TBXT: variants seen among roughly 807,000 people sequenced by gnomAD.
TBXT encodes T brachyury transcription factor.
In TBXT, 19 loss-of-function variants were observed where a neutral mutation model predicts 41.1. The ratio of observed to expected loss-of-function variants is 0.46; its 90% confidence interval spans 0.32 to 0.68. The LOEUF is 0.68. TBXT is among the 30% of genes least tolerant of loss of function. TBXT has a pLI of 0.03. For missense variants in TBXT, 536 were observed against 582.0 expected, an observed-to-expected ratio of 0.92 and a Z score of 0.81; for synonymous variants, 213 against 238.9, an observed-to-expected ratio of 0.89 and a Z score of 1.00.
chr6:166,162,628 G>A lies in TBXT; in HGVS notation c.731-5C>T. On this transcript the variant is annotated splice_region_variant and splice_polypyrimidine_tract_variant and intron_variant, in intron 5 of 7. Coordinates refer to ENST00000366876, the MANE Select transcript of TBXT (RefSeq NM_001366285.2). The stretch of plus-strand genomic sequence containing the variant: ...CAGGAAGAAGCCACCCCCCTGCTGT[G>A]AGAAAAGACAGTGCTGAGTAACCTG... The A allele has an allele frequency of 1.2e-6, 2 of 1,608,768 alleles. No individual in the cohort carries two copies. The highest frequency in any genetic ancestry group is 3.4e-5 in the Admixed American group (2 of 58,970).
intron 2 of TBXT, among the ~76,000 whole-genome samples, chr6:166,166,106 T>C (rs1018444143): frequency 6.6e-6 from 1 of 152,202 alleles, no homozygotes; most frequent in Non-Finnish European, 1.5e-5. Flanking sequence ...TGGAATAAAG[T>C]ACTAAGGCTT....
intron 5 of TBXT, 39 bp from the exon 6 acceptor site, chr6:166,162,662 C>T: frequency 6.4e-7 from 1 of 1,552,808 alleles, no homozygotes; most frequent in South Asian, 1.2e-5. Flanking sequence ...TGCATTAGTG[C>T]TCCCTCCATC....
chr6:166,167,676 C>G lies in TBXT; in HGVS notation c.-85G>C. ...ACCTTCCCTGCTCTTGGCCGCCGCC[C>G]TTCCGAGAAAAGGGGCCCCTTGGAC... is the stretch of plus-strand genomic sequence containing the variant. On this transcript the variant is annotated 5_prime_UTR_variant, in exon 1 of 8. Coordinates refer to ENST00000366876, the MANE Select transcript of TBXT (RefSeq NM_001366285.2). The G allele has an allele frequency of 6.6e-7, 1 of 1,522,696 alleles. No homozygotes were observed. The highest frequency in any genetic ancestry group is 8.8e-7 in the Non-Finnish European group (1 of 1,136,582). The allele number at this position is 1,522,696 out of a possible 1,614,324, so 94.3% of individuals were successfully genotyped here.
chr6:166,167,545 C>G lies in TBXT; in HGVS notation c.47G>C (p.Arg16Pro), dbSNP rs1651072691. Residue 16 changes from arginine to proline, a missense_variant, in exon 1 of 8, where the codon CGA (arginine) becomes CCA (proline). Coordinates refer to ENST00000366876, the MANE Select transcript of TBXT (RefSeq NM_001366285.2). The part of the protein sequence containing the change: ...TESAGKSLQY[R>P]VDHLLSAVEN... ...CACGGCGCTCAGCAGGTGGTCCACT[C>G]GGTACTGCAGGCTCTTTCCCGCGCT... 6.3e-7 allele frequency: 1 copy of G among 1,594,484 alleles called. No individual in the cohort carries two copies. Among genetic ancestry groups the G allele is most frequent in the East Asian group, 2.3e-5 (1 of 44,106 alleles).
Position 166,166,707 on chromosome 6 carries a change from G to T in TBXT, c.356C>A (p.Ala119Glu). The change falls in exon 2 of 8, where the codon GCG (alanine) becomes GAG (glutamate). Residue 119 changes from alanine (A) to glutamate (E), a missense_variant. Physicochemically the swap from Ala to Glu is moderately radical, Grantham distance 107 (BLOSUM62 -1). Transcript: ENST00000366876. ...GGGGTGGATGTAGACGCAGCTGGGC[G>T]CCTGCGGCTCCGGCTTGCCCCCCGG... is the stretch of plus-strand genomic sequence containing the variant. The part of the protein sequence containing the change: ...WVPGGKPEPQ[A>E]PSCVYIHPDS... 6.2e-7 allele frequency: 1 copy of T among 1,613,842 alleles called. No individual in the cohort carries two copies. The highest frequency in any genetic ancestry group is 8.5e-7 in the Non-Finnish European group (1 of 1,180,040).
At chr6:166,158,863 TAAGTTTCACTGCGA>T (rs1270797891) in intron 7 of TBXT, among the ~76,000 whole-genome samples, 2 of 152,212 alleles carry the variant, frequency 1.3e-5, no homozygotes, top group Non-Finnish European at 2.9e-5. Flanking sequence ...AGAGCGCTGT[TAAGTTTCACTGCGA>T]AAGACTCATA....
chr6:166,166,525 C>A, intron 2 of TBXT, 67 bp downstream of exon 2: 1 of 1,609,990 alleles, frequency 6.2e-7, no homozygotes, highest in Non-Finnish European at 8.5e-7. Flanking sequence ...CCCACAACCC[C>A]CGTGCAGAAG....
chr6:166,165,003 T>G, intron 3 of TBXT, 142 bp from the exon 4 acceptor site: 1 of 746,422 alleles, frequency 1.3e-6, no homozygotes, highest in Non-Finnish European at 2.2e-6. Flanking sequence ...AGTTTTCTAT[T>G]TGGAACTGAA....
chr6:166,162,171 G>A (rs1778978129), intron 6 of TBXT, among the ~76,000 whole-genome samples: 1 of 152,234 alleles, frequency 6.6e-6, no homozygotes, highest in Admixed American at 6.5e-5. Flanking sequence ...GAGAGGCCCA[G>A]GAATCTGTCA....
intron 2 of TBXT, among the ~76,000 whole-genome samples, 182 bp downstream of exon 2, chr6:166,166,410 G>C (rs1399345342): frequency 6.6e-6 from 1 of 152,206 alleles, no homozygotes; most frequent in African/African-American, 2.4e-5. Context: ...TTCGCCAGGC[G>C]TGGATGTTAT....
At position 166,164,942 on chromosome 6, in the gene TBXT, G is replaced by C. The variant is rs1779068570; in HGVS notation, c.607-81C>G. 4.5e-6 allele frequency: 5 copies of C among 1,110,488 alleles called. No individual in the cohort carries two copies. The South Asian group carries it at 6.6e-5, about 15-fold the overall frequency. The allele number at this position is 1,110,488 out of a possible 1,614,324, so 68.8% of individuals were successfully genotyped here. Reference sequence around the variant, plus strand: ...ATTTGGCACCAAGAAATTGAGAAATGCCAGTACCACTTTTAAATATTCAAA... The same window carrying C: ...ATTTGGCACCAAGAAATTGAGAAATCCCAGTACCACTTTTAAATATTCAAA... On this transcript the variant is annotated intron_variant, in intron 3 of 7. Transcript: ENST00000366876.
In TBXT at chr6:166,160,931, G is replaced by A. The variant is rs1778935750; in HGVS notation, c.943C>T (p.Leu315=). Residue 315 remains leucine, a synonymous_variant, in exon 7 of 8, where the codon CTG becomes TTG. Coordinates refer to ENST00000366876, the MANE Select transcript of TBXT (RefSeq NM_001366285.2). ...CTGGACCAATTGTCATGGGATTGCA[G>A]CATGGATAAACATGCAGGTGAGTTG... ...SDNSPACLSM[L]QSHDNWSSLG... 6.2e-7 allele frequency: 1 copy of A among 1,614,002 alleles called. No individual in the cohort carries two copies. Among genetic ancestry groups the A allele is most frequent in the African/African-American group, 1.3e-5 (1 of 74,924 alleles).
intron 3 of TBXT, 147 bp downstream of exon 3, chr6:166,165,559 T>C (rs958727176): frequency 3.9e-5 from 50 of 1,282,270 alleles, no homozygotes; most frequent in Non-Finnish European, 4.9e-5. Context: ...TGTGCTTCCA[T>C]TTCAAGTTCC....
rs1014596947 is a variant in TBXT at position 166,157,933 on chromosome 6, A to C, written c.*382T>G. The C allele has an allele frequency of 5.7e-6, 2 of 349,336 alleles. No individual in the cohort carries two copies. Among genetic ancestry groups the C allele is most frequent in the Admixed American group, 4.1e-5 (1 of 24,524 alleles). 21.6% of individuals were successfully genotyped at this position (349,336 alleles called of 1,614,324 possible). ...TTAAGAGTGTGCTTTTTATCTCACT[A>C]AAGTAGGACTGGTGGAGTTTACAAA... On this transcript the variant is annotated 3_prime_UTR_variant, in exon 8 of 8. Coordinates refer to ENST00000366876, the MANE Select transcript of TBXT (RefSeq NM_001366285.2).
chr6:166,164,643 T>C lies in TBXT; in HGVS notation c.692A>G (p.Glu231Gly), dbSNP rs1272933374. ...AGGTTGCTGGCTGTCTCCGGGTTCCTCCATCATCTCTTTGTGATCACTTCT... is the reference window on the plus strand; with the variant it reads ...AGGTTGCTGGCTGTCTCCGGGTTCCCCCATCATCTCTTTGTGATCACTTCT... ...KERSDHKEMMEEPGDSQQPGY... is the reference protein window; with the variant it reads ...KERSDHKEMMGEPGDSQQPGY... Residue 231 changes from glutamate (E) to glycine (G), a missense_variant, in exon 5 of 8, where the codon GAG becomes GGG. Transcript: ENST00000366876. 3.1e-6 allele frequency: 5 copies of C among 1,613,834 alleles called. No homozygotes were observed. Among genetic ancestry groups the C allele is most frequent in the Non-Finnish European group, 4.2e-6 (5 of 1,180,016 alleles).
Position 166,166,480 on chromosome 6 carries a change from G to A in TBXT, c.471+112C>T, listed in dbSNP as rs1582970574. The A allele has an allele frequency of 9.1e-6, 14 of 1,539,904 alleles. 1 individual carries two copies. The highest frequency in any genetic ancestry group is 2.3e-4 in the Middle Eastern group (1 of 4,306). ...GAGAAGGCTGTGGCAGTTTCTCCAG[G>A]GCAGACGTCGCCTCCCGTTCAAGCA... On this transcript the variant is annotated intron_variant, in intron 2 of 7. Transcript: ENST00000366876.
intron 4 of TBXT, 39 bp downstream of exon 4, chr6:166,164,761 T>G (rs199772922): frequency 2.0e-5 from 32 of 1,611,870 alleles, no homozygotes; most frequent in Non-Finnish European, 2.7e-5. Context: ...TTCTGCATAC[T>G]TCTTTGCCCA....
chr6:166,165,657 C>T, intron 3 of TBXT, 49 bp downstream of exon 3: 2 of 1,612,608 alleles, frequency 1.2e-6, no homozygotes, highest in African/African-American at 1.3e-5. Context: ...CGGAGCAGCA[C>T]ACCACACCGC....
rs1275548997 is a variant in TBXT at position 166,162,482 on chromosome 6, T to A, written c.872A>T (p.Tyr291Phe). 1 of 1,613,654 alleles carries A rather than the reference T, an allele frequency of 6.2e-7. No homozygotes were observed. The change falls in exon 6 of 8, where the codon TAC (tyrosine) becomes TTC (phenylalanine). Residue 291 changes from tyrosine to phenylalanine, a missense_variant. Physicochemically the swap from Tyr to Phe is conservative, Grantham distance 22. Transcript: ENST00000366876. ...GTTCCGATGAGCATAGGGGCTGGGGTAGGGTGAGGACCGGTGGCTCCTCAG... is the reference window on the plus strand; with the variant it reads ...GTTCCGATGAGCATAGGGGCTGGGGAAGGGTGAGGACCGGTGGCTCCTCAG... ...PTLRSHRSSPYPSPYAHRNNS... is the reference protein window; with the variant it reads ...PTLRSHRSSPFPSPYAHRNNS...
Sources: allele counts gnomAD v4.1 joint callset (sites outside exome capture counted in the v4.1 genomes callset), GRCh38; gene constraint gnomAD v4.1.1; transcripts MANE v1.5; gene names NCBI Gene and HGNC (gene_info 2026-07-23, HGNC 2026-07-21).